Variants in GPC5 observed in about 807,000 individuals in gnomAD.
GPC5 encodes the protein glypican-5.
A neutral mutation model predicts 53.9 loss-of-function variants in GPC5; 47 were observed. That is an observed-to-expected ratio of 0.87 (90% CI 0.69 to 1.11). The LOEUF (loss-of-function observed/expected upper bound fraction) is 1.11, where lower values mean the gene tolerates loss of function less well. GPC5 is among the 50% of genes most tolerant of loss of function. The pLI is 0.00. For synonymous variants in GPC5, 286 were observed against 263.3 expected (o/e 1.09, Z -0.84); for missense variants, 748 against 713.1 (o/e 1.05, Z -0.56).
intron 7 of GPC5, among the ~76,000 whole-genome samples, chr13:92,460,505 A>G (rs12864910): frequency 1.3e-5 from 2 of 152,192 alleles, no homozygotes; most frequent in Admixed American, 1.3e-4. Context: ...TAAATTAAAA[A>G]CAATTAGTAT....
chr13:92,025,616 A>G (rs1249217533), intron 6 of GPC5, among the ~76,000 whole-genome samples: 3 of 152,164 alleles, frequency 2.0e-5, no homozygotes, highest in South Asian at 2.1e-4. Context: ...AATTGGCCCA[A>G]CTGTGTCAGC....
intron 5 of GPC5, among the ~76,000 whole-genome samples, chr13:91,871,348 A>ACTC (rs2039141936): frequency 6.6e-6 from 1 of 152,110 alleles, no homozygotes; most frequent in South Asian, 2.1e-4. Flanking sequence ...ACCGGGGTCT[A>ACTC]CTTGAGAGAG....
At chr13:92,212,388 T>C (rs1400431060) in intron 7 of GPC5, among the ~76,000 whole-genome samples, 5 of 152,128 alleles carry the variant, frequency 3.3e-5, no homozygotes, top group African/African-American at 9.7e-5. Flanking sequence ...TAGCAACATG[T>C]TAGAACATGT....
Position 91,501,773 on chromosome 13 carries a change from C to G in GPC5, c.325+52851C>G, listed in dbSNP as rs531528716. ...TGGGTATATACCCAGTAATGGGATG[C>G]CTGGGTCAAATGGTATTTCTAGTTC... On this transcript the variant is annotated intron_variant, in intron 2 of 7. Transcript: ENST00000377067. Among the ~76,000 whole-genome samples the G allele has an allele frequency of 4.7e-3, 711 of 152,206 alleles. 4 individuals carry two copies. Among genetic ancestry groups the G allele is most frequent in the African/African-American group, 0.016 (654 of 41,532 alleles).
At chr13:91,967,441 C>A in intron 6 of GPC5, among the ~76,000 whole-genome samples, 1 of 151,966 alleles carries the variant, frequency 6.6e-6, no homozygotes, top group East Asian at 1.9e-4. Context: ...GAACTTAAAA[C>A]TGTAAAAATC....
intron 1 of GPC5, among the ~76,000 whole-genome samples, chr13:91,437,347 A>C (rs946903854): frequency 6.6e-6 from 1 of 152,134 alleles, no homozygotes; most frequent in Non-Finnish European, 1.5e-5. Flanking sequence ...TTCCATGTTT[A>C]GTGCTTCCTT....
intron 5 of GPC5, among the ~76,000 whole-genome samples, chr13:91,793,195 C>T (rs72644059): frequency 0.059 from 8,919 of 152,208 alleles, 363 homozygotes; most frequent in Non-Finnish European, 0.09. Context: ...CAAACACATT[C>T]TTCTTCACAT....
intron 5 of GPC5, among the ~76,000 whole-genome samples, chr13:91,792,420 C>T (rs1270087108): frequency 5.9e-5 from 9 of 152,128 alleles, no homozygotes; most frequent in Non-Finnish European, 1.5e-5. Context: ...ATTAAGAAGT[C>T]CTAAACCAGC....
intron 7 of GPC5, among the ~76,000 whole-genome samples, chr13:92,350,148 T>A (rs941834041): frequency 2.6e-5 from 4 of 152,284 alleles, no homozygotes; most frequent in African/African-American, 7.2e-5. Flanking sequence ...ATTCTCTTAT[T>A]AGATGCAGAA....
chr13:91,985,595 A>C (rs559958148), intron 6 of GPC5, among the ~76,000 whole-genome samples: 1 of 152,140 alleles, frequency 6.6e-6, no homozygotes, highest in East Asian at 1.9e-4. Flanking sequence ...TTTCAGTTAC[A>C]CATGTTTATT....
chr13:91,551,922 A>G lies in GPC5; in HGVS notation c.325+103000A>G, dbSNP rs186509707. On this transcript the variant is annotated intron_variant, in intron 2 of 7. Transcript: ENST00000377067. Reference sequence around the variant, plus strand: ...AATAGTTTAAATTTTAATACTGGTTAATATATAGTAAGTACATATTTTACA... The same window carrying G: ...AATAGTTTAAATTTTAATACTGGTTGATATATAGTAAGTACATATTTTACA... Among the ~76,000 whole-genome samples the G allele has an allele frequency of 2.0e-5, 3 of 152,230 alleles. No homozygotes were observed. In the East Asian group the frequency reaches 5.8e-4, roughly 29 times the overall value.
chr13:92,589,495 CATG>C (rs1167242906), intron 7 of GPC5, among the ~76,000 whole-genome samples: 1 of 152,126 alleles, frequency 6.6e-6, no homozygotes, highest in Non-Finnish European at 1.5e-5. Flanking sequence ...CTGATCAAAT[CATG>C]ATTTCTTTTA....
intron 5 of GPC5, among the ~76,000 whole-genome samples, chr13:91,854,149 A>C (rs2038942973): frequency 6.6e-6 from 1 of 151,906 alleles, no homozygotes; most frequent in Admixed American, 6.6e-5. Flanking sequence ...CAATTAAATT[A>C]TTCTATAAAC....
At chr13:92,853,709 C>T (rs932353133) in intron 7 of GPC5, among the ~76,000 whole-genome samples, 1 of 152,088 alleles carries the variant, frequency 6.6e-6, no homozygotes, top group African/African-American at 2.4e-5. Context: ...AACTGGAGAA[C>T]ATGTTCAGGG....
chr13:92,234,375 A>G (rs1008450084), intron 7 of GPC5, among the ~76,000 whole-genome samples: 2 of 152,056 alleles, frequency 1.3e-5, no homozygotes, highest in Non-Finnish European at 2.9e-5. Context: ...ATGGTATCTC[A>G]TTGTGGTTTT....
At chr13:91,949,597 C>A (rs903377499) in intron 6 of GPC5, among the ~76,000 whole-genome samples, 3 of 152,104 alleles carry the variant, frequency 2.0e-5, no homozygotes, top group African/African-American at 4.8e-5. Flanking sequence ...TAATAACACT[C>A]CCATTATTTG....
At chr13:92,706,453 A>G (rs1365993485) in intron 7 of GPC5, among the ~76,000 whole-genome samples, 1 of 152,214 alleles carries the variant, frequency 6.6e-6, no homozygotes, top group African/African-American at 2.4e-5. Flanking sequence ...AAAAGTTTCC[A>G]TAAGATAGCA....
intron 5 of GPC5, among the ~76,000 whole-genome samples, chr13:91,898,123 G>A (rs1291101690): frequency 1.3e-5 from 2 of 152,068 alleles, no homozygotes; most frequent in Non-Finnish European, 2.9e-5. Flanking sequence ...TTAACATCAT[G>A]TAATTTAAAA....
intron 7 of GPC5, among the ~76,000 whole-genome samples, chr13:92,753,243 G>A (rs200972801): frequency 0.064 from 9,696 of 152,024 alleles, 815 homozygotes; most frequent in East Asian, 0.36. Context: ...CACCTCACAC[G>A]GCAGGGTACT....
Sources: allele counts gnomAD v4.1 joint callset (sites outside exome capture counted in the v4.1 genomes callset), GRCh38; gene constraint gnomAD v4.1.1; transcripts MANE v1.5; gene names NCBI Gene and HGNC (gene_info 2026-07-23, HGNC 2026-07-21).